The following SLC26A4 variants were observed in gnomAD, a reference collection of about 807,000 sequenced individuals.
SLC26A4 encodes the protein pendrin.
Under a neutral mutation model 90.4 loss-of-function variants are expected in SLC26A4, and 93 were observed. The observed-to-expected ratio is 1.03, with a 90% CI of 0.87 to 1.22. The LOEUF is 1.22. SLC26A4 is among the 50% of genes most tolerant of loss of function. The pLI, the probability that SLC26A4 is intolerant of heterozygous loss-of-function variation, is 0.00. For missense variants in SLC26A4, 1,127 were observed against 946.2 expected, an observed-to-expected ratio of 1.19 and a Z score of -2.51; for synonymous variants, 393 against 354.6, an observed-to-expected ratio of 1.11 and a Z score of -1.22.
chr7:107,693,260 A>G (rs1791628823), intron 10 of SLC26A4: 5 of 982,444 alleles, frequency 5.1e-6, no homozygotes, highest in Admixed American at 6.2e-5. Flanking sequence ...GGAATCTAGG[A>G]TGGGGATAGG....
rs78987787 is a variant in SLC26A4 at position 107,664,807 on chromosome 7, C to G, written c.304+1372C>G. ...ATGGCATTCTCCTCTGTCCCCTATC[C>G]CCACCATCTCGTTTCTGCCCCACCC... On this transcript the variant is annotated intron_variant, in intron 3 of 20. Transcript: ENST00000644269. Among the ~76,000 whole-genome samples the G allele has an allele frequency of 3.7e-3, 570 of 152,210 alleles. 26 individuals carry two copies. In the East Asian group the frequency reaches 0.094, roughly 25 times the overall value.
intron 9 of SLC26A4, 145 bp from the exon 10 acceptor site, chr7:107,689,979 G>C (rs1327038075): frequency 1.4e-6 from 1 of 706,152 alleles, no homozygotes; most frequent in East Asian, 2.6e-5. Flanking sequence ...AGGACCCCAA[G>C]TACCTATCAC....
At chr7:107,682,742 G>A (rs1040383095) in intron 6 of SLC26A4, among the ~76,000 whole-genome samples, 1 of 151,962 alleles carries the variant, frequency 6.6e-6, no homozygotes, top group East Asian at 1.9e-4. Context: ...AGGTTTATCA[G>A]CCTTTAGTCT....
intron 6 of SLC26A4, among the ~76,000 whole-genome samples, chr7:107,682,636 A>G (rs181441720): frequency 6.6e-6 from 1 of 151,466 alleles, no homozygotes; most frequent in South Asian, 2.1e-4. Flanking sequence ...ATTGTGCCCC[A>G]AAAAAAAGAA....
intron 2 of SLC26A4, among the ~76,000 whole-genome samples, chr7:107,662,314 G>A (rs1790583334): frequency 1.3e-5 from 2 of 152,092 alleles, no homozygotes. Context: ...GACCCCTGGG[G>A]AAAGCCACCC....
At chr7:107,662,574 A>T (rs565377534) in intron 2 of SLC26A4, among the ~76,000 whole-genome samples, 1 of 152,172 alleles carries the variant, frequency 6.6e-6, no homozygotes, top group African/African-American at 2.4e-5. Flanking sequence ...AATCTCATAT[A>T]GCATACTGTC....
At chr7:107,671,342 T>C (rs1790861669) in intron 3 of SLC26A4, among the ~76,000 whole-genome samples, 1 of 152,132 alleles carries the variant, frequency 6.6e-6, no homozygotes, top group Non-Finnish European at 1.5e-5. Context: ...CATTTTATTG[T>C]AGAGATGGAG....
chr7:107,680,898 A>G lies in SLC26A4; in HGVS notation c.766-2304A>G, dbSNP rs187458193. 1.1e-4 allele frequency among the ~76,000 whole-genome samples: 16 copies of G among 152,248 alleles called. No homozygotes were observed. The East Asian group carries it at 2.5e-3, about 24-fold the overall frequency. The stretch of plus-strand genomic sequence containing the variant: ...AAAGTACACCTTTAATGAATAGACA[A>G]TTCATCAAAATGTTATACCTAGCTC... On this transcript the variant is annotated intron_variant, in intron 6 of 20. Transcript: ENST00000644269.
Position 107,701,899 on chromosome 7 carries a change from G to T in SLC26A4, c.1876G>T (p.Glu626Ter). 6.2e-7 allele frequency: 1 copy of T among 1,613,032 alleles called. No homozygotes were observed. Among genetic ancestry groups the T allele is most frequent in the Admixed American group, 1.7e-5 (1 of 60,008 alleles). The change falls in exon 17 of 21, where the codon GAA becomes TAA. Residue 626 changes from glutamate (E) to a stop codon, truncating the protein, a stop_gained. Coordinates refer to ENST00000644269, the MANE Select transcript of SLC26A4 (RefSeq NM_000441.2). LOFTEE classifies it high-confidence loss of function. ...EPDEDIEDLEELDIPTKEIEI... is the reference protein window; with the variant it reads ...EPDEDIEDLE ...TGATGAGGATATTGAAGATCTGGAG[G>T]AACTTGATATCCCAACCAAGGAAAT...
intron 8 of SLC26A4, among the ~76,000 whole-genome samples, chr7:107,688,822 G>T (rs763595688): frequency 2.0e-5 from 3 of 152,192 alleles, no homozygotes; most frequent in Non-Finnish European, 4.4e-5. Context: ...AGTCAGCATG[G>T]CTAGGCTCAA....
chr7:107,692,698 C>T (rs970299813), intron 10 of SLC26A4, among the ~76,000 whole-genome samples: 2 of 152,164 alleles, frequency 1.3e-5, no homozygotes, highest in Non-Finnish European at 2.9e-5. Flanking sequence ...CATCTGACTT[C>T]CACTGACTCA....
At chr7:107,700,031 A>C (rs1407916654) in intron 14 of SLC26A4, 52 bp from the exon 15 acceptor site, 2 of 1,069,532 alleles carry the variant, frequency 1.9e-6, no homozygotes, top group Non-Finnish European at 2.9e-6. Context: ...AATGTAATTA[A>C]ATACTTGAGG....
intron 4 of SLC26A4, among the ~76,000 whole-genome samples, chr7:107,672,992 A>G (rs968772221): frequency 1.3e-5 from 2 of 152,224 alleles, no homozygotes; most frequent in African/African-American, 4.8e-5. Context: ...CATCTACTTT[A>G]TCCCCAACCC....
At chr7:107,686,405 T>TCTTTC (rs1554357992) in intron 8 of SLC26A4, among the ~76,000 whole-genome samples, 7 of 82,524 alleles carry the variant, frequency 8.5e-5, no homozygotes, top group Non-Finnish European at 9.4e-5. Context: ...TCTCTCTCTT[T>TCTTTC]TTTCTTTCTT....
chr7:107,689,882 G>T (rs1457019481), intron 9 of SLC26A4, among the ~76,000 whole-genome samples: 1 of 152,112 alleles, frequency 6.6e-6, no homozygotes, highest in African/African-American at 2.4e-5. Context: ...AAATGATCAG[G>T]TGCTATTTCT....
At position 107,689,076 on chromosome 7, in the gene SLC26A4, C is replaced by G; in HGVS notation, c.1025C>G (p.Pro342Arg). ...AGGTTTTTGCCTCCTGAACTTCCAC[C>G]TGTGAGCTTGTTCTCGGAGATGCTG... is the stretch of plus-strand genomic sequence containing the variant. ...PRGFLPPELP[P>R]VSLFSEMLAA... The change falls in exon 9 of 21, where the codon CCT becomes CGT. Residue 342 changes from proline (P) to arginine (R), a missense_variant. Transcript: ENST00000644269. The G allele has an allele frequency of 6.2e-7, 1 of 1,613,914 alleles. No individual in the cohort carries two copies. The highest frequency in any genetic ancestry group is 8.5e-7 in the Non-Finnish European group (1 of 1,179,850).
Position 107,661,338 on chromosome 7 carries a change from G to A in SLC26A4, c.-3-301G>A, listed in dbSNP as rs984575213. 5.8e-6 allele frequency: 3 copies of A among 519,430 alleles called. No homozygotes were observed. The Admixed American group carries it at 9.8e-5, about 17-fold the overall frequency. 32.2% of individuals were successfully genotyped at this position (519,430 alleles called of 1,614,324 possible). ...CCCTGGCTGCGGGCCATAGGGGACT[G>A]GGTGGAACTCGGGAAGCCCCCAGAG... On this transcript the variant is annotated intron_variant, in intron 1 of 20. Transcript: ENST00000644269. The surrounding 1 kb of genome is among the most constrained non-coding windows in gnomAD (Gnocchi z 5.1).
chr7:107,694,109 C>T (rs955469578), intron 10 of SLC26A4, among the ~76,000 whole-genome samples: 1 of 152,138 alleles, frequency 6.6e-6, no homozygotes, highest in Admixed American at 6.6e-5. Context: ...ACGCCGAAAC[C>T]GCAGGTGTGT....
At chr7:107,694,572 T>A (rs1295196897) in intron 11 of SLC26A4, 49 bp from the exon 12 acceptor site, 4 of 1,549,740 alleles carry the variant, frequency 2.6e-6, no homozygotes, top group Non-Finnish European at 3.6e-6. Context: ...AATCATCACA[T>A]GGAAAACCAT....
Sources: allele counts gnomAD v4.1 joint callset (sites outside exome capture counted in the v4.1 genomes callset), GRCh38; gene constraint gnomAD v4.1.1; non-coding constraint Gnocchi (gnomAD v3.1); transcripts MANE v1.5; gene names NCBI Gene and HGNC (gene_info 2026-07-23, HGNC 2026-07-21).